The following MTERF3 variants were observed in gnomAD, a reference collection of about 807,000 sequenced individuals.
MTERF3 encodes transcription termination factor 3, mitochondrial.
Under a neutral mutation model 40.5 loss-of-function variants are expected in MTERF3, and 40 were observed. The ratio of observed to expected loss-of-function variants is 0.99; its 90% CI spans 0.77 to 1.29. The LOEUF (loss-of-function observed/expected upper bound fraction) is 1.29, where lower values mean the gene tolerates loss of function less well. MTERF3 is among the 50% of genes most tolerant of loss of function. The probability of loss-of-function intolerance (pLI) is 0.00; values close to 1 mark genes in which losing one functional copy is unlikely to be tolerated. For synonymous variants in MTERF3, 158 were observed against 166.6 expected (o/e 0.95, Z 0.40); for missense variants, 452 against 478.2 (o/e 0.95, Z 0.51).
rs116633909 is a variant in MTERF3 at position 96,239,853 on chromosome 8, A to G, written c.1060-168T>C. 66 of 705,116 alleles carry G rather than the reference A, an allele frequency of 9.4e-5. No individual in the cohort carries two copies. In the African/African-American group the frequency reaches 1.1e-3, roughly 12 times the overall value. The allele number at this position is 705,116 out of a possible 1,614,324, so 43.7% of individuals were successfully genotyped here. A position where few individuals can be genotyped will look rare whatever the true frequency, so the allele number is the denominator to read the frequency against. ...TTTAAATCCTATATTTTCTGTGAAG[A>G]AACTAGAAAAAGGGATTCAAAATCA... is the stretch of plus-strand genomic sequence containing the variant. On this transcript the variant is annotated intron_variant, in intron 7 of 7. Coordinates refer to ENST00000287025, the MANE Select transcript of MTERF3 (RefSeq NM_015942.5).
intron 4 of MTERF3, among the ~76,000 whole-genome samples, chr8:96,248,752 C>T (rs1340184010): frequency 6.6e-6 from 1 of 151,920 alleles, no homozygotes; most frequent in East Asian, 1.9e-4. Context: ...AATTAAAATG[C>T]GACTATTCAT....
chr8:96,256,208 C>T (rs965617078), intron 3 of MTERF3, among the ~76,000 whole-genome samples: 1 of 152,124 alleles, frequency 6.6e-6, no homozygotes, highest in Non-Finnish European at 1.5e-5. Context: ...TTAAGCTATC[C>T]AGATCCAAGT....
intron 4 of MTERF3, among the ~76,000 whole-genome samples, chr8:96,250,653 G>GAAAGAAGA (rs1444592275): frequency 3.8e-5 from 1 of 26,608 alleles, no homozygotes; most frequent in Non-Finnish European, 8.3e-5. Context: ...AGAAGAAGAA[G>GAAAGAAGA]AAGAAGAAGA....
intron 5 of MTERF3, among the ~76,000 whole-genome samples, 159 bp from the exon 6 acceptor site, chr8:96,246,090 G>A (rs537627775): frequency 6.6e-6 from 1 of 152,064 alleles, no homozygotes; most frequent in Admixed American, 6.5e-5. Flanking sequence ...ATACTGTTTG[G>A]AAAAAAAGAA....
chr8:96,244,404 A>G (rs1485663254), intron 6 of MTERF3, among the ~76,000 whole-genome samples: 1 of 151,038 alleles, frequency 6.6e-6, no homozygotes, highest in Non-Finnish European at 1.5e-5. Context: ...GCGCCTGGCC[A>G]TGATTTTTTT....
At chr8:96,250,775 G>T in intron 4 of MTERF3, 131 bp downstream of exon 4, 2 of 679,782 alleles carry the variant, frequency 2.9e-6, no homozygotes, top group Non-Finnish European at 2.3e-6. Flanking sequence ...GATCAAAGAA[G>T]GTCTATAACA....
chr8:96,252,714 G>T (rs1329576530), intron 3 of MTERF3, among the ~76,000 whole-genome samples: 1 of 152,204 alleles, frequency 6.6e-6, no homozygotes, highest in Non-Finnish European at 1.5e-5. Context: ...TGTGATAAAT[G>T]GGGGAGCGGA....
Position 96,258,558 on chromosome 8 carries a change from G to T in MTERF3, c.133C>A (p.Pro45Thr). 6.2e-7 allele frequency: 1 copy of T among 1,614,156 alleles called. No individual in the cohort carries two copies. The highest frequency in any genetic ancestry group is 1.3e-5 in the African/African-American group (1 of 75,052). Reference protein sequence around the residue: ...RTLLHGFSAQPQISSDNCFLQ... With the variant: ...RTLLHGFSAQTQISSDNCFLQ... Reference sequence around the variant, plus strand: ...AAGCAATTGTCAGAGGATATCTGAGGCTGAGCAGAAAAGCCATGTAACAGT... The same window carrying T: ...AAGCAATTGTCAGAGGATATCTGAGTCTGAGCAGAAAAGCCATGTAACAGT... The change falls in exon 2 of 8, where the codon CCT (proline) becomes ACT (threonine). Residue 45 changes from proline to threonine, a missense_variant. By Grantham distance (38) the Pro-to-Thr change is conservative (BLOSUM62 -1). Transcript: ENST00000287025.
chr8:96,257,629 C>T (rs1463085916), intron 2 of MTERF3, among the ~76,000 whole-genome samples: 1 of 152,156 alleles, frequency 6.6e-6, no homozygotes, highest in African/African-American at 2.4e-5. Flanking sequence ...ATGTGACTCT[C>T]TAGTACAGCC....
At position 96,239,581 on chromosome 8, in the gene MTERF3, G is replaced by A. The variant is rs1563542880; in HGVS notation, c.1164C>T (p.Asp388=). ...DPAKPNYISL[D]KLVSIPDEIF... is the part of the protein sequence containing the mutation. ...TTTCATCAGGAATAGATACTAGTTT[G>A]TCCAAAGAGATGTAGTTAGGTTTTG... The change falls in exon 8 of 8, where the codon GAC becomes GAT. Residue 388 remains aspartate (D), a synonymous_variant. Coordinates refer to ENST00000287025, the MANE Select transcript of MTERF3 (RefSeq NM_015942.5). 4 of 1,613,218 alleles carry A rather than the reference G, an allele frequency of 2.5e-6. No homozygotes were observed. Among genetic ancestry groups the A allele is most frequent in the Non-Finnish European group, 3.4e-6 (4 of 1,179,636 alleles).
intron 4 of MTERF3, among the ~76,000 whole-genome samples, chr8:96,250,473 G>C (rs982352856): frequency 7.2e-6 from 1 of 139,634 alleles, no homozygotes; most frequent in Non-Finnish European, 1.6e-5. Flanking sequence ...GCACTTTGGA[G>C]GCCAAGATGG....
intron 6 of MTERF3, 105 bp from the exon 7 acceptor site, chr8:96,244,185 T>C: frequency 3.3e-6 from 3 of 912,176 alleles, no homozygotes; most frequent in Non-Finnish European, 4.9e-6. Context: ...GAGCTCGCTA[T>C]GTTGCCCAGG....
Position 96,251,124 on chromosome 8 carries a change from G to C in MTERF3, c.488-29C>G, listed in dbSNP as rs184553405. 9.8e-5 allele frequency: 149 copies of C among 1,526,870 alleles called. No homozygotes were observed. The African/African-American group carries it at 1.9e-3, about 20-fold the overall frequency. The allele number at this position is 1,526,870 out of a possible 1,614,324, so 94.6% of individuals were successfully genotyped here. On this transcript the variant is annotated intron_variant, in intron 3 of 7. Transcript: ENST00000287025. ...TAATAAATTATAAATACTGTTTGAAGATGACTTCTTAGTTCACCCATTAAA... is the reference window on the plus strand; with the variant it reads ...TAATAAATTATAAATACTGTTTGAACATGACTTCTTAGTTCACCCATTAAA...
intron 4 of MTERF3, among the ~76,000 whole-genome samples, chr8:96,247,264 C>T (rs1426004806): frequency 2.0e-5 from 3 of 152,108 alleles, no homozygotes; most frequent in Admixed American, 1.3e-4. Flanking sequence ...AGTGACCATG[C>T]CTGGCCTGAG....
intron 7 of MTERF3, among the ~76,000 whole-genome samples, chr8:96,242,677 G>A (rs1414175722): frequency 6.6e-6 from 1 of 152,206 alleles, no homozygotes; most frequent in African/African-American, 2.4e-5. Flanking sequence ...GTACTCAATT[G>A]CTGTTATTAC....
intron 3 of MTERF3, among the ~76,000 whole-genome samples, chr8:96,252,333 A>C: frequency 6.6e-6 from 1 of 152,254 alleles, no homozygotes; most frequent in East Asian, 1.9e-4. Flanking sequence ...TTGTTAAAAT[A>C]TATGGGACCA....
At chr8:96,249,085 T>C (rs1375942333) in intron 4 of MTERF3, among the ~76,000 whole-genome samples, 1 of 152,202 alleles carries the variant, frequency 6.6e-6, no homozygotes, top group Non-Finnish European at 1.5e-5. Context: ...GGAGCATATA[T>C]GGCTTGAGCA....
intron 2 of MTERF3, among the ~76,000 whole-genome samples, chr8:96,257,925 C>G (rs1226995770): frequency 6.6e-6 from 1 of 152,138 alleles, no homozygotes; most frequent in Non-Finnish European, 1.5e-5. Context: ...AAAAAGCGAC[C>G]ATGAGGGAAC....
intron 7 of MTERF3, chr8:96,239,937 G>A: frequency 1.5e-6 from 1 of 654,994 alleles, no homozygotes. Flanking sequence ...AAGATTGAGT[G>A]CTCCAGAGAC....
Sources: gnomAD v4.1 joint callset for allele counts (sites outside exome capture counted in the v4.1 genomes callset) on GRCh38, gnomAD v4.1.1 for gene constraint, MANE v1.5 for transcripts, NCBI Gene and HGNC (gene_info 2026-07-23, HGNC 2026-07-21) for gene names.